The following CUBN variants were observed in gnomAD, a reference collection of about 807,000 sequenced individuals.
CUBN encodes 460 kDa receptor.
Under a neutral mutation model 405.3 loss-of-function variants are expected in CUBN, and 282 were observed. The observed-to-expected ratio is 0.70, with a 90% CI of 0.63 to 0.77. CUBN has a LOEUF of 0.77. Ranked by LOEUF, CUBN falls within the 30% of genes least tolerant of loss-of-function variation. The pLI, the probability that CUBN is intolerant of heterozygous loss-of-function variation, is 0.00. For missense variants in CUBN, 4,514 were observed against 4,475.2 expected (o/e 1.01, Z -0.25); for synonymous variants, 1,684 against 1,617.0 (o/e 1.04, Z -0.99).
At chr10:17,078,779 TATC>T (rs1036110372) in intron 17 of CUBN, among the ~76,000 whole-genome samples, 2 of 152,230 alleles carry the variant, frequency 1.3e-5, no homozygotes, top group Non-Finnish European at 2.9e-5. Flanking sequence ...TGAAGGGTTT[TATC>T]ATGTTTCCAT....
intron 8 of CUBN, among the ~76,000 whole-genome samples, chr10:17,112,195 C>A: frequency 6.6e-6 from 1 of 151,808 alleles, no homozygotes; most frequent in East Asian, 1.9e-4. Flanking sequence ...TATTCATATT[C>A]TTTGATTTAA....
intron 16 of CUBN, 124 bp from the exon 17 acceptor site, chr10:17,084,585 A>C: frequency 5.0e-6 from 4 of 807,336 alleles, no homozygotes; most frequent in Non-Finnish European, 8.3e-6. Flanking sequence ...CATTTTATTC[A>C]CCCTCTATAG....
chr10:16,901,889 GTATA>G (rs67084462), intron 51 of CUBN, among the ~76,000 whole-genome samples: 13,816 of 108,776 alleles, frequency 0.13, 1,013 homozygotes, highest in East Asian at 0.2. Flanking sequence ...ACCATATATA[GTATA>G]TATATATATA....
chr10:16,866,626 G>A (rs1158406873), intron 59 of CUBN, among the ~76,000 whole-genome samples: 1 of 152,154 alleles, frequency 6.6e-6, no homozygotes, highest in Non-Finnish European at 1.5e-5. Flanking sequence ...AAAATGCTCC[G>A]ATTTGCAGAT....
chr10:16,965,942 C>T (rs776226636), intron 31 of CUBN: 12 of 471,042 alleles, frequency 2.5e-5, no homozygotes, highest in South Asian at 1.7e-4. Context: ...ATATACAAAC[C>T]CCATCTGTCT....
At chr10:16,852,360 C>G (rs1418254343) in intron 59 of CUBN, among the ~76,000 whole-genome samples, 1 of 144,436 alleles carries the variant, frequency 6.9e-6, no homozygotes, top group African/African-American at 2.6e-5. Context: ...TCTTTCCCTC[C>G]CTCCCTCTAT....
chr10:17,042,371 A>G (rs761473762), intron 26 of CUBN, among the ~76,000 whole-genome samples: 19 of 152,172 alleles, frequency 1.2e-4, no homozygotes, highest in African/African-American at 4.1e-4. Flanking sequence ...AGTAAACCAC[A>G]TGGGCCACTC....
At position 16,928,315 on chromosome 10, in the gene CUBN, G is replaced by A; in HGVS notation, c.6125-12C>T. The A allele has an allele frequency of 6.2e-7, 1 of 1,613,410 alleles. No homozygotes were observed. The highest frequency in any genetic ancestry group is 8.5e-7 in the Non-Finnish European group (1 of 1,179,590). ...CAAGTTATTATCTCCTACGTTGAAA[G>A]AAAGGGAACAACATGAAAATACATC... On this transcript the variant is annotated splice_polypyrimidine_tract_variant and intron_variant, in intron 40 of 66. Transcript: ENST00000377833.
chr10:17,054,327 G>C (rs549938834), intron 22 of CUBN, among the ~76,000 whole-genome samples: 1 of 78,104 alleles, frequency 1.3e-5, no homozygotes, highest in Non-Finnish European at 2.5e-5. Flanking sequence ...GTGAAACTCC[G>C]TCTCAAAAAA....
chr10:16,839,435 C>T (rs1476498213), intron 62 of CUBN, among the ~76,000 whole-genome samples: 1 of 151,972 alleles, frequency 6.6e-6, no homozygotes, highest in Non-Finnish European at 1.5e-5. Flanking sequence ...CAAAAGAAGA[C>T]ATTTATGCAG....
chr10:17,005,304 A>G (rs1261307362), intron 28 of CUBN, among the ~76,000 whole-genome samples: 1 of 152,114 alleles, frequency 6.6e-6, no homozygotes, highest in East Asian at 1.9e-4. Context: ...TTTTTTTCCA[A>G]ATTCTCAACC....
At chr10:16,949,190 G>C (rs764655225) in intron 34 of CUBN, among the ~76,000 whole-genome samples, 1 of 152,192 alleles carries the variant, frequency 6.6e-6, no homozygotes, top group Non-Finnish European at 1.5e-5. Flanking sequence ...GTAACAGCTT[G>C]TTAAATAATA....
At position 16,862,522 on chromosome 10, in the gene CUBN, G is replaced by A. The variant is rs578159856; in HGVS notation, c.9454+7114C>T. 2.0e-5 allele frequency among the ~76,000 whole-genome samples: 3 copies of A among 152,248 alleles called. No individual in the cohort carries two copies. The South Asian group carries it at 6.2e-4, about 32-fold the overall frequency. On this transcript the variant is annotated intron_variant, in intron 59 of 66. Coordinates refer to ENST00000377833, the MANE Select transcript of CUBN (RefSeq NM_001081.4). The stretch of plus-strand genomic sequence containing the variant: ...GATTTCCTGACAAGTCTTTACTTGT[G>A]AGTGAGCAAAATGTACAGCTACCAT...
chr10:17,108,615 A>G (rs1273315267), intron 10 of CUBN, among the ~76,000 whole-genome samples: 1 of 152,100 alleles, frequency 6.6e-6, no homozygotes, highest in African/African-American at 2.4e-5. Flanking sequence ...TCTTACCATA[A>G]AAAAAGAAAC....
intron 33 of CUBN, among the ~76,000 whole-genome samples, chr10:16,950,620 A>C (rs1039544805): frequency 3.3e-5 from 5 of 152,218 alleles, no homozygotes; most frequent in Non-Finnish European, 5.9e-5. Flanking sequence ...GACAACTTCT[A>C]TCCTAGATGG....
intron 10 of CUBN, among the ~76,000 whole-genome samples, chr10:17,108,556 T>A (rs1169823705): frequency 1.3e-5 from 2 of 152,116 alleles, no homozygotes; most frequent in Non-Finnish European, 2.9e-5. Context: ...CCAAGCCAGA[T>A]CTCTATTTGA....
intron 14 of CUBN, among the ~76,000 whole-genome samples, chr10:17,099,384 T>C (rs1836446676): frequency 6.6e-6 from 1 of 152,170 alleles, no homozygotes; most frequent in Admixed American, 6.6e-5. Context: ...GGGTGGACAA[T>C]GTCCTCAATA....
At chr10:16,977,475 T>C (rs913432805) in intron 31 of CUBN, among the ~76,000 whole-genome samples, 14 of 152,262 alleles carry the variant, frequency 9.2e-5, no homozygotes, top group Middle Eastern at 3.4e-3. Context: ...AAATCGGCCA[T>C]GGGACAGTGA....
chr10:17,040,067 AT>A (rs973660178), intron 27 of CUBN, among the ~76,000 whole-genome samples: 1 of 152,096 alleles, frequency 6.6e-6, no homozygotes, highest in Non-Finnish European at 1.5e-5. Context: ...AGAATAACAT[AT>A]TTTTTCCTGG....
Sources: allele counts gnomAD v4.1 joint callset (sites outside exome capture counted in the v4.1 genomes callset), GRCh38; gene constraint gnomAD v4.1.1; transcripts MANE v1.5; gene names NCBI Gene and HGNC (gene_info 2026-07-23, HGNC 2026-07-21).